MCF2L2: variants seen among roughly 807,000 people sequenced by gnomAD.
MCF2L2 encodes the protein probable guanine nucleotide exchange factor MCF2L2.
A neutral mutation model predicts 150.2 loss-of-function variants in MCF2L2; 102 were observed. The ratio of observed to expected loss-of-function variants is 0.68; its 90% CI spans 0.58 to 0.80. The LOEUF (loss-of-function observed/expected upper bound fraction) is 0.80, where lower values mean the gene tolerates loss of function less well. MCF2L2 is among the 30% of genes least tolerant of loss of function. The probability of loss-of-function intolerance (pLI) is 0.00; values close to 1 mark genes in which losing one functional copy is unlikely to be tolerated. For missense variants in MCF2L2, 1,256 were observed against 1,372.8 expected, an observed-to-expected ratio of 0.91 and a Z score of 1.34; for synonymous variants, 465 against 491.3, an observed-to-expected ratio of 0.95 and a Z score of 0.71.
intron 1 of MCF2L2, among the ~76,000 whole-genome samples, chr3:183,397,870 T>G (rs922208868): frequency 6.6e-6 from 1 of 152,170 alleles, no homozygotes; most frequent in Non-Finnish European, 1.5e-5. Flanking sequence ...TGACCATTAA[T>G]AGAGGATTGG....
intron 20 of MCF2L2, 124 bp downstream of exon 20, chr3:183,223,222 G>A: frequency 1.5e-6 from 1 of 657,772 alleles, no homozygotes. Context: ...GAAAAAGCCT[G>A]CAGGATAGAC....
rs373611054 is a variant in MCF2L2, at chr3:183,379,246, G to A, written c.275+51C>T. 4.9e-5 allele frequency: 65 copies of A among 1,339,262 alleles called. No individual in the cohort carries two copies. In the African/African-American group the frequency reaches 9.0e-4, roughly 18 times the overall value. 83.0% of individuals were successfully genotyped at this position (1,339,262 alleles called of 1,614,324 possible). ...TCAACCCAGCCCTGCCACATGGGAA[G>A]TGTGGAATAAAGCCAGTGCCTAAGG... On this transcript the variant is annotated intron_variant, in intron 3 of 29. Coordinates refer to ENST00000328913, the MANE Select transcript of MCF2L2 (RefSeq NM_015078.4).
At position 183,179,513 on chromosome 3, in the gene MCF2L2, CGAG is replaced by C. The variant is rs1314761096; in HGVS notation, c.3222-13_3222-11del. ...GGTGCTGCGGGTCGCCCTGCAATTC[CGAG>C]AAGAAAGTCAGAGACGCCGTGGCCC... is the stretch of plus-strand genomic sequence containing the variant. On this transcript the variant is annotated splice_polypyrimidine_tract_variant and intron_variant, in intron 29 of 29. Transcript: ENST00000328913. The surrounding 1 kb of genome is among the most constrained non-coding windows in gnomAD (Gnocchi z 4.2). 3.3e-5 allele frequency: 53 copies of C among 1,610,416 alleles called. No homozygotes were observed. Among genetic ancestry groups the C allele is most frequent in the Non-Finnish European group, 4.4e-5 (52 of 1,177,556 alleles).
At chr3:183,348,235 A>C (rs1730976787) in intron 3 of MCF2L2, among the ~76,000 whole-genome samples, 1 of 152,162 alleles carries the variant, frequency 6.6e-6, no homozygotes, top group East Asian at 1.9e-4. Flanking sequence ...AAAAAGAACG[A>C]GTTCATGTTC....
chr3:183,344,843 T>C (rs2108545346), intron 3 of MCF2L2, among the ~76,000 whole-genome samples: 1 of 152,214 alleles, frequency 6.6e-6, no homozygotes, highest in African/African-American at 2.4e-5. Flanking sequence ...AATTACATAA[T>C]GGTAAAGGGA....
chr3:183,270,701 G>GT lies in MCF2L2; in HGVS notation c.1862+6170dup. ...TAGGGATAGTACCGCAGGACCATGT[G>GT]TTTTTTTCTGGAGAGGGTAAAACTC... is the stretch of plus-strand genomic sequence containing the variant. On this transcript the variant is annotated intron_variant, in intron 15 of 29. Transcript: ENST00000328913. The surrounding 1 kb of genome is among the most constrained non-coding windows in gnomAD (Gnocchi z 4.5). The GT allele has an allele frequency of 1.2e-6, 2 of 1,613,766 alleles. No homozygotes were observed. Among genetic ancestry groups the GT allele is most frequent in the Non-Finnish European group, 8.5e-7 (1 of 1,179,888 alleles).
At chr3:183,264,843 T>C (rs563778353) in intron 15 of MCF2L2, among the ~76,000 whole-genome samples, 7 of 152,346 alleles carry the variant, frequency 4.6e-5, no homozygotes, top group African/African-American at 1.7e-4. Context: ...AATATTCTTA[T>C]GAGTAACTGA....
At chr3:183,300,664 T>C (rs1202783064) in intron 10 of MCF2L2, among the ~76,000 whole-genome samples, 1 of 151,950 alleles carries the variant, frequency 6.6e-6, no homozygotes, top group Admixed American at 6.5e-5. Flanking sequence ...GAGCTGAAGT[T>C]GAAACACTGG....
chr3:183,184,398 G>A lies in MCF2L2; in HGVS notation c.3017-4239C>T, dbSNP rs73058079. 6.8e-3 allele frequency among the ~76,000 whole-genome samples: 1,039 copies of A among 152,302 alleles called. 13 individuals are homozygous for A. Among genetic ancestry groups the A allele is most frequent in the African/African-American group, 0.024 (991 of 41,566 alleles). On this transcript the variant is annotated intron_variant, in intron 27 of 29. Transcript: ENST00000328913. ...TTTGTCCCAGCCAAGATCTAGTGGT[G>A]TGTTGGAGCAGATACACCCTGAGTC...
At chr3:183,183,189 G>A (rs1273576676) in intron 27 of MCF2L2, among the ~76,000 whole-genome samples, 2 of 152,158 alleles carry the variant, frequency 1.3e-5, no homozygotes, top group African/African-American at 4.8e-5. Flanking sequence ...TAGAGATGGG[G>A]TTTTACCATG....
Position 183,179,638 on chromosome 3 carries a change from C to G in MCF2L2, c.3160G>C (p.Ala1054Pro). The G allele has an allele frequency of 6.2e-7, 1 of 1,614,124 alleles. No homozygotes were observed. Among genetic ancestry groups the G allele is most frequent in the Non-Finnish European group, 8.5e-7 (1 of 1,179,984 alleles). Residue 1054 changes from alanine to proline, a missense_variant, in exon 29 of 30, where the codon GCT becomes CCT. Ala to Pro is a conservative substitution (Grantham distance 27). Coordinates refer to ENST00000328913, the MANE Select transcript of MCF2L2 (RefSeq NM_015078.4). This position sits in a 1 kb window ranked among gnomAD's most constrained non-coding sequence, Gnocchi z 4.2. ...CTGCTTTCTCCCCTCTCCAGGAAAG[C>G]AGATTTGGAGGAACAGGTTTCGTGA... ...DSHETCSSKS[A>P]FLERGESSQG...
intron 27 of MCF2L2, among the ~76,000 whole-genome samples, chr3:183,190,156 T>C (rs1721827989): frequency 6.6e-6 from 1 of 152,200 alleles, no homozygotes; most frequent in Non-Finnish European, 1.5e-5. Context: ...TCCTGATAGA[T>C]AATATTTTCC....
intron 15 of MCF2L2, among the ~76,000 whole-genome samples, chr3:183,243,648 T>C (rs927067282): frequency 2.0e-5 from 3 of 152,308 alleles, no homozygotes; most frequent in South Asian, 2.1e-4. Context: ...TGGTCCTCTA[T>C]ATATGGTCAA....
intron 1 of MCF2L2, among the ~76,000 whole-genome samples, chr3:183,422,253 A>C (rs141438704): frequency 1.1e-3 from 163 of 152,170 alleles, no homozygotes; most frequent in African/African-American, 3.8e-3. Context: ...CTTACTCTCA[A>C]AATCTCCATT....
At chr3:183,396,605 G>A in intron 1 of MCF2L2, among the ~76,000 whole-genome samples, 1 of 151,922 alleles carries the variant, frequency 6.6e-6, no homozygotes, top group African/African-American at 2.4e-5. Flanking sequence ...ATGAAGGCAA[G>A]AAAAAATATA....
intron 5 of MCF2L2, among the ~76,000 whole-genome samples, chr3:183,329,540 G>A (rs9811825): frequency 0.022 from 3,305 of 152,222 alleles, 122 homozygotes; most frequent in African/African-American, 0.076. Flanking sequence ...GTTCTTTCCT[G>A]GTGAATGGTG....
intron 14 of MCF2L2, among the ~76,000 whole-genome samples, chr3:183,285,776 T>C (rs536883747): frequency 1.2e-4 from 18 of 152,306 alleles, no homozygotes; most frequent in African/African-American, 4.1e-4. Flanking sequence ...CTCCTTTAAA[T>C]AACTTTAACA....
chr3:183,230,977 T>A lies in MCF2L2; in HGVS notation c.1903A>T (p.Ile635Leu). The A allele has an allele frequency of 6.2e-7, 1 of 1,613,980 alleles. No homozygotes were observed. Among genetic ancestry groups the A allele is most frequent in the Non-Finnish European group, 8.5e-7 (1 of 1,179,894 alleles). The change falls in exon 16 of 30, where the codon ATA becomes TTA. Residue 635 changes from isoleucine (I) to leucine (L), a missense_variant. Physicochemically the swap from Ile to Leu is conservative, Grantham distance 5. Coordinates refer to ENST00000328913, the MANE Select transcript of MCF2L2 (RefSeq NM_015078.4). Reference protein sequence around the residue: ...RDLLETEEIYIKEIKSIIDGY... With the variant: ...RDLLETEEIYLKEIKSIIDGY... Reference sequence around the variant, plus strand: ...TCAATTATGCTTTTAATCTCTTTTATGTAAATCTCTTCAGTCTCAAGCAAG... The same window carrying A: ...TCAATTATGCTTTTAATCTCTTTTAAGTAAATCTCTTCAGTCTCAAGCAAG...
intron 18 of MCF2L2, chr3:183,224,560 C>A (rs887439007): frequency 1.1e-4 from 17 of 160,342 alleles, no homozygotes; most frequent in Non-Finnish European, 2.2e-4. Flanking sequence ...GTAAAACTGA[C>A]AGAAAAGAGG....
Sources: allele counts gnomAD v4.1 joint callset (sites outside exome capture counted in the v4.1 genomes callset), GRCh38; gene constraint gnomAD v4.1.1; non-coding constraint Gnocchi (gnomAD v3.1); transcripts MANE v1.5; gene names NCBI Gene and HGNC (gene_info 2026-07-23, HGNC 2026-07-21).